The following ITGA9 variants were observed in gnomAD, a reference collection of about 807,000 sequenced individuals.
ITGA9 encodes integrin alpha-9.
Under a neutral mutation model 127.8 loss-of-function variants are expected in ITGA9, and 56 were observed. The ratio of observed to expected loss-of-function variants is 0.44; its 90% CI spans 0.35 to 0.55. The LOEUF (loss-of-function observed/expected upper bound fraction) is 0.55, where lower values mean the gene tolerates loss of function less well. Among genes scored for constraint, ITGA9 ranks in the 20% least tolerant of loss-of-function variants. The probability of loss-of-function intolerance (pLI) is 0.00; values close to 1 mark genes in which losing one functional copy is unlikely to be tolerated. For missense variants in ITGA9, 1,196 were observed against 1,347.1 expected (o/e 0.89, Z 1.76); for synonymous variants, 508 against 514.5 (o/e 0.99, Z 0.17).
At chr3:37,499,278 G>A (rs1213115718) in intron 5 of ITGA9, among the ~76,000 whole-genome samples, 2 of 152,264 alleles carry the variant, frequency 1.3e-5, no homozygotes. Context: ...TTGGGTGGGA[G>A]TTTGTTCAGC....
intron 23 of ITGA9, among the ~76,000 whole-genome samples, chr3:37,774,523 T>G (rs1420815970): frequency 7.2e-6 from 1 of 139,594 alleles, no homozygotes; most frequent in African/African-American, 3.0e-5. Context: ...GGCAAAACTC[T>G]ATCTCTACCA....
chr3:37,716,544 C>G (rs1701137586), intron 18 of ITGA9, among the ~76,000 whole-genome samples: 1 of 150,258 alleles, frequency 6.7e-6, no homozygotes, highest in South Asian at 2.1e-4. Flanking sequence ...GCCAATTTAT[C>G]TCTCCCTCAC....
At chr3:37,812,016 C>T (rs1331824381) in intron 27 of ITGA9, among the ~76,000 whole-genome samples, 1 of 152,224 alleles carries the variant, frequency 6.6e-6, no homozygotes, top group Non-Finnish European at 1.5e-5. Flanking sequence ...TAAGGTTTGG[C>T]AACCCCTCCA....
rs779253658 is a variant in ITGA9 at position 37,683,964 on chromosome 3, C to T, written c.2016C>T (p.Asn672=). Residue 672 remains asparagine, a synonymous_variant, in exon 18 of 28, where the codon AAC becomes AAT. Coordinates refer to ENST00000264741, the MANE Select transcript of ITGA9 (RefSeq NM_002207.3). The part of the protein sequence containing the change: ...SNLGDDAYDA[N]VSFNVSRELF... ...TCGGAGATGATGCCTATGATGCCAA[C>T]GTGTCCTTCAATGTTTCCCGGGAGC... 49 of 1,613,836 alleles carry T rather than the reference C, an allele frequency of 3.0e-5. 1 individual carries two copies. The South Asian group carries it at 3.6e-4, about 12-fold the overall frequency.
At chr3:37,773,194 A>G (rs892638098) in intron 23 of ITGA9, among the ~76,000 whole-genome samples, 1 of 152,234 alleles carries the variant, frequency 6.6e-6, no homozygotes, top group Non-Finnish European at 1.5e-5. Context: ...GTGCAGAGCA[A>G]GGAGGAACTC....
intron 15 of ITGA9, among the ~76,000 whole-genome samples, chr3:37,546,224 T>G (rs945993897): frequency 2.0e-5 from 3 of 152,144 alleles, no homozygotes; most frequent in African/African-American, 7.2e-5. Context: ...TGGATTTCAT[T>G]GTTTGTCAAA....
rs928476248 is a variant in ITGA9 at position 37,821,611 on chromosome 3, G to A, written c.*2622G>A. 2.0e-5 allele frequency: 3 copies of A among 152,312 alleles called. No homozygotes were observed. The highest frequency in any genetic ancestry group is 2.1e-4 in the South Asian group (1 of 4,822). The allele number at this position is 152,312 out of a possible 1,614,324, so 9.4% of individuals were successfully genotyped here. Reference sequence around the variant, plus strand: ...CTAACTTGCCTCCTGCCGGGGTGTAGGTGCGTTGGTGACAGTGTAGAAGGG... The same window carrying A: ...CTAACTTGCCTCCTGCCGGGGTGTAAGTGCGTTGGTGACAGTGTAGAAGGG... On this transcript the variant is annotated 3_prime_UTR_variant, in exon 28 of 28. Transcript: ENST00000264741.
chr3:37,498,735 C>G (rs1698757667), intron 5 of ITGA9, among the ~76,000 whole-genome samples: 1 of 152,220 alleles, frequency 6.6e-6, no homozygotes, highest in African/African-American at 2.4e-5. Flanking sequence ...TGTCCTCTGA[C>G]CCCGGCCTGC....
chr3:37,551,610 C>T (rs1245851784), intron 15 of ITGA9, among the ~76,000 whole-genome samples: 1 of 152,144 alleles, frequency 6.6e-6, no homozygotes, highest in Non-Finnish European at 1.5e-5. Context: ...TTGTCTTCTC[C>T]ACCCATTCCC....
chr3:37,633,362 A>C (rs1454518061), intron 16 of ITGA9, among the ~76,000 whole-genome samples: 3 of 152,212 alleles, frequency 2.0e-5, no homozygotes, highest in African/African-American at 7.2e-5. Flanking sequence ...TTGTCAGTTG[A>C]AAATGTATTT....
Position 37,533,185 on chromosome 3 carries a change from T to C in ITGA9, c.1374-129T>C. ...ACAGAACATACTAGCCCTTCTCTCT[T>C]GGGATATTTCATGCTTTAATTAAAT... On this transcript the variant is annotated intron_variant, in intron 13 of 27. Coordinates refer to ENST00000264741, the MANE Select transcript of ITGA9 (RefSeq NM_002207.3). The C allele has an allele frequency of 5.7e-6, 5 of 872,228 alleles. No individual in the cohort carries two copies. In the South Asian group the frequency reaches 7.0e-5, roughly 12 times the overall value. 54.0% of individuals were successfully genotyped at this position (872,228 alleles called of 1,614,324 possible).
intron 15 of ITGA9, among the ~76,000 whole-genome samples, chr3:37,605,732 G>A (rs1354576336): frequency 6.6e-6 from 1 of 152,124 alleles, no homozygotes; most frequent in Non-Finnish European, 1.5e-5. Context: ...CGACTCAGCT[G>A]CCCCTATATA....
At chr3:37,802,519 G>C (rs1191133925) in intron 26 of ITGA9, among the ~76,000 whole-genome samples, 1 of 152,206 alleles carries the variant, frequency 6.6e-6, no homozygotes, top group Non-Finnish European at 1.5e-5. Context: ...TGGAGCCAAA[G>C]GAGAGAATGA....
At chr3:37,610,588 G>A (rs1216041292) in intron 15 of ITGA9, among the ~76,000 whole-genome samples, 3 of 152,202 alleles carry the variant, frequency 2.0e-5, no homozygotes, top group Admixed American at 1.3e-4. Context: ...GAGGTTCAGT[G>A]TTTGGAGAAA....
intron 18 of ITGA9, among the ~76,000 whole-genome samples, chr3:37,709,543 G>A (rs1406777545): frequency 1.3e-5 from 2 of 152,262 alleles, no homozygotes; most frequent in Non-Finnish European, 2.9e-5. Flanking sequence ...ACCTGAGAGT[G>A]TGAGGAAGGG....
At chr3:37,489,955 A>G (rs1388878870) in intron 4 of ITGA9, among the ~76,000 whole-genome samples, 5 of 152,198 alleles carry the variant, frequency 3.3e-5, no homozygotes, top group African/African-American at 1.2e-4. Context: ...TTCCTGTTGC[A>G]GGTAGCCCCT....
chr3:37,721,180 G>T (rs949190693), intron 18 of ITGA9, among the ~76,000 whole-genome samples: 8 of 146,484 alleles, frequency 5.5e-5, no homozygotes, highest in African/African-American at 2.1e-4. Context: ...GGAGTGCAGT[G>T]GTGCAATCAT....
At chr3:37,495,059 C>T (rs765009260) in intron 5 of ITGA9, among the ~76,000 whole-genome samples, 17 of 152,086 alleles carry the variant, frequency 1.1e-4, no homozygotes, top group Non-Finnish European at 1.6e-4. Context: ...CTGCAATCTC[C>T]GCCTCCTGGG....
intron 24 of ITGA9, among the ~76,000 whole-genome samples, chr3:37,778,182 AATC>A (rs1168056543): frequency 2.0e-5 from 3 of 152,232 alleles, no homozygotes; most frequent in Non-Finnish European, 4.4e-5. Context: ...AGCAAAAACT[AATC>A]ATGATGATAG....
Sources: gnomAD v4.1 joint callset for allele counts (sites outside exome capture counted in the v4.1 genomes callset) on GRCh38, gnomAD v4.1.1 for gene constraint, MANE v1.5 for transcripts, NCBI Gene and HGNC (gene_info 2026-07-23, HGNC 2026-07-21) for gene names.